CLIP1: variants seen among roughly 807,000 people sequenced by gnomAD.
The protein encoded by CLIP1 is CAP-Gly domain-containing linker protein 1.
In CLIP1, 66 loss-of-function variants were observed where a neutral mutation model predicts 161.6. That is an observed-to-expected ratio of 0.41 (90% confidence interval 0.33 to 0.50). The LOEUF (loss-of-function observed/expected upper bound fraction) is 0.50. Among genes scored for constraint, CLIP1 ranks in the 20% least tolerant of loss-of-function variants. CLIP1 has a pLI of 0.27. For missense variants in CLIP1, 1,376 were observed against 1,702.0 expected, an observed-to-expected ratio of 0.81 and a Z score of 3.37; for synonymous variants, 598 against 626.2, an observed-to-expected ratio of 0.96 and a Z score of 0.67.
At position 122,355,557 on chromosome 12, in the gene CLIP1, C is replaced by A. The variant is rs1312279734; in HGVS notation, c.1006-245G>T. The A allele has an allele frequency of 6.6e-6, 3 of 456,258 alleles. No individual in the cohort carries two copies. The highest frequency in any genetic ancestry group is 5.8e-4 in the Middle Eastern group (1 of 1,722). 28.3% of individuals were successfully genotyped at this position (456,258 alleles called of 1,614,324 possible). On this transcript the variant is annotated intron_variant, in intron 5 of 25. Coordinates refer to ENST00000620786, the MANE Select transcript of CLIP1 (RefSeq NM_001247997.2). The surrounding 1 kb of genome is among the most constrained non-coding windows in gnomAD (Gnocchi z 4.1). The stretch of plus-strand genomic sequence containing the variant: ...GGTGCGGTGGCTCATGCCTGTAATC[C>A]TAGCACTTCAGGAGGCCAAGGCGGG...
chr12:122,293,602 C>CCGGAGAATTTCTTAAAAAGGTAAACA, intron 20 of CLIP1, among the ~76,000 whole-genome samples: 1 of 151,752 alleles, frequency 6.6e-6, no homozygotes, highest in Admixed American at 6.6e-5. Flanking sequence ...CCTCAGCCTC[C>CCGGAGAATTTCTTAAAAAGGTAAACA]TGAGTAGCTG....
chr12:122,356,398 C>CAATA (rs1388997932), intron 5 of CLIP1, among the ~76,000 whole-genome samples: 1 of 152,134 alleles, frequency 6.6e-6, no homozygotes, highest in Non-Finnish European at 1.5e-5. Flanking sequence ...ACAGTCCTTT[C>CAATA]AATAACATCA....
intron 20 of CLIP1, among the ~76,000 whole-genome samples, chr12:122,296,515 T>C (rs1950472141): frequency 6.6e-6 from 1 of 152,192 alleles, no homozygotes; most frequent in African/African-American, 2.4e-5. Context: ...GTAGCTTCAA[T>C]GAAATGGCAA....
intron 5 of CLIP1, among the ~76,000 whole-genome samples, chr12:122,359,596 T>C (rs1478084236): frequency 1.3e-5 from 2 of 152,322 alleles, no homozygotes; most frequent in Non-Finnish European, 2.9e-5. Context: ...ATAAAAGTAA[T>C]TTTTCTGTTG....
rs138337233 is a variant in CLIP1, at chr12:122,272,890, G to C, written c.4302C>G (p.Asp1434Glu). ...MFGHWATNCNDDETF is the reference protein window; with the variant it reads ...MFGHWATNCNEDETF ...GGAGGCTTCATCAGAAGGTTTCGTC[G>C]TCATTGCAGTTGGTGGCCCAGTGTC... The change falls in exon 26 of 26, where the codon GAC becomes GAG. Residue 1434 changes from aspartate to glutamate, a missense_variant. By Grantham distance (45) the Asp-to-Glu change is conservative. Coordinates refer to ENST00000620786, the MANE Select transcript of CLIP1 (RefSeq NM_001247997.2). 2 of 1,614,186 alleles carry C rather than the reference G, an allele frequency of 1.2e-6. No homozygotes were observed. Among genetic ancestry groups the C allele is most frequent in the South Asian group, 2.2e-5 (2 of 91,086 alleles).
intron 1 of CLIP1, among the ~76,000 whole-genome samples, chr12:122,421,636 C>A (rs1430926662): frequency 6.6e-6 from 1 of 152,262 alleles, no homozygotes; most frequent in Admixed American, 6.5e-5. Context: ...CGATGACGGA[C>A]AACGTGTAAT....
intron 1 of CLIP1, among the ~76,000 whole-genome samples, chr12:122,381,918 G>A (rs1226060473): frequency 2.0e-5 from 3 of 152,196 alleles, no homozygotes; most frequent in Admixed American, 2.0e-4. Context: ...AAAACCCAAT[G>A]AAAAGCATCC....
At chr12:122,296,861 CAAAAAAAA>C (rs56071033) in intron 20 of CLIP1, among the ~76,000 whole-genome samples, 1 of 58,256 alleles carries the variant, frequency 1.7e-5, no homozygotes, top group African/African-American at 4.7e-5. Flanking sequence ...GAGACTACCT[CAAAAAAAA>C]AAAAAAAAAA....
chr12:122,364,081 G>T lies in CLIP1; in HGVS notation c.684C>A (p.Val228=), dbSNP rs769477406. 1.9e-6 allele frequency: 3 copies of T among 1,613,992 alleles called. No homozygotes were observed. Among genetic ancestry groups the T allele is most frequent in the Non-Finnish European group, 2.5e-6 (3 of 1,179,990 alleles). The change falls in exon 4 of 26, where the codon GTC becomes GTA. Residue 228 remains valine, a synonymous_variant. Coordinates refer to ENST00000620786, the MANE Select transcript of CLIP1 (RefSeq NM_001247997.2). Reference sequence around the variant, plus strand: ...CAAAGTCGGTCTCCCCAAGAAACCGGACTACACCAGCCTTAGTGCCACCAA... The same window carrying T: ...CAAAGTCGGTCTCCCCAAGAAACCGTACTACACCAGCCTTAGTGCCACCAA... The part of the protein sequence containing the change: ...VLVGGTKAGV[V]RFLGETDFAK...
intron 3 of CLIP1, among the ~76,000 whole-genome samples, chr12:122,376,462 G>GA (rs980375397): frequency 4.0e-5 from 6 of 151,652 alleles, no homozygotes; most frequent in African/African-American, 1.5e-4. Flanking sequence ...ATAATATTAA[G>GA]AAAAAAAATT....
chr12:122,321,445 C>T (rs924459226), intron 17 of CLIP1, among the ~76,000 whole-genome samples: 2 of 152,056 alleles, frequency 1.3e-5, no homozygotes, highest in Admixed American at 6.5e-5. Flanking sequence ...AGGGTTTCAC[C>T]ATGTTGGTTA....
intron 25 of CLIP1, among the ~76,000 whole-genome samples, chr12:122,273,830 C>G (rs1955279508): frequency 6.6e-6 from 1 of 151,054 alleles, no homozygotes; most frequent in Non-Finnish European, 1.5e-5. Flanking sequence ...CTCCAAGGCT[C>G]AAGTAGTTCT....
intron 3 of CLIP1, among the ~76,000 whole-genome samples, chr12:122,372,004 G>A (rs760943758): frequency 1.3e-5 from 2 of 152,126 alleles, no homozygotes; most frequent in African/African-American, 4.8e-5. Flanking sequence ...AAACTTGGCC[G>A]GGCACAGTGG....
chr12:122,382,783 C>G (rs974100247), intron 1 of CLIP1, among the ~76,000 whole-genome samples: 24 of 152,020 alleles, frequency 1.6e-4, no homozygotes, highest in African/African-American at 5.8e-4. Flanking sequence ...CTGGCATTTA[C>G]CTGAAGACAG....
chr12:122,328,965 T>C (rs1951821101), intron 15 of CLIP1, among the ~76,000 whole-genome samples: 1 of 152,198 alleles, frequency 6.6e-6, no homozygotes, highest in Non-Finnish European at 1.5e-5. Flanking sequence ...TAATAACTAC[T>C]GTAATTGGGA....
intron 21 of CLIP1, among the ~76,000 whole-genome samples, chr12:122,285,445 G>C (rs910410752): frequency 2.0e-5 from 3 of 152,040 alleles, no homozygotes; most frequent in Non-Finnish European, 4.4e-5. Context: ...TGTTAGCCAG[G>C]ATGGTCTCAA....
chr12:122,320,253 G>A (rs184187737), intron 17 of CLIP1, among the ~76,000 whole-genome samples: 12 of 142,824 alleles, frequency 8.4e-5, no homozygotes, highest in Admixed American at 5.5e-4. Context: ...GCGACACAGC[G>A]AGACTCCGTC....
chr12:122,279,050 T>C lies in CLIP1; in HGVS notation c.3743A>G (p.Glu1248Gly). 2 of 1,612,814 alleles carry C rather than the reference T, an allele frequency of 1.2e-6. No individual in the cohort carries two copies. Among genetic ancestry groups the C allele is most frequent in the Middle Eastern group, 1.7e-4 (1 of 6,050 alleles). ...TACCTCATTTCTCAGTTTCTCCAGC[T>C]CGGCATCCTTTTCTGTGAGTAAGGC... ...TSALLTEKDA[E>G]LEKLRNEVTV... The change falls in exon 22 of 26, where the codon GAG becomes GGG. Residue 1248 changes from glutamate to glycine, a missense_variant. Around this residue, in one of 6 missense-constraint regions of CLIP1, gnomAD observed 948 missense variants for 1,134.8 expected, o/e 0.84. Transcript: ENST00000620786. The surrounding 1 kb of genome is among the most constrained non-coding windows in gnomAD (Gnocchi z 4.5).
intron 1 of CLIP1, among the ~76,000 whole-genome samples, chr12:122,384,291 A>G (rs143318994): frequency 7.4e-4 from 113 of 152,308 alleles, no homozygotes; most frequent in Non-Finnish European, 1.4e-3. Flanking sequence ...CAGTTCTGCT[A>G]CTACAAGAAT....
Sources: allele counts gnomAD v4.1 joint callset (sites outside exome capture counted in the v4.1 genomes callset), GRCh38; gene constraint gnomAD v4.1.1; regional missense constraint gnomAD v4.1.1; non-coding constraint Gnocchi (gnomAD v3.1); transcripts MANE v1.5; gene names NCBI Gene and HGNC (gene_info 2026-07-23, HGNC 2026-07-21).